The following FOXO3 variants were observed in gnomAD, a reference collection of about 807,000 sequenced individuals.
The protein encoded by FOXO3 is forkhead box protein O3.
In FOXO3, 4 loss-of-function variants were observed where a neutral mutation model predicts 41.9. That is an observed-to-expected ratio of 0.10 (90% CI 0.05 to 0.22). The LOEUF is 0.22. Among genes scored for constraint, FOXO3 ranks in the 10% least tolerant of loss-of-function variants. The pLI is 1.00. For synonymous variants in FOXO3, 318 were observed against 389.3 expected (o/e 0.82, Z 2.16); for missense variants, 534 against 906.8 (o/e 0.59, Z 5.28).
In FOXO3 at chr6:108,662,171, G is replaced by A. The variant is rs147170713; in HGVS notation, c.622-1284G>A. On this transcript the variant is annotated intron_variant, in intron 1 of 2. Coordinates refer to ENST00000406360, the MANE Select transcript of FOXO3 (RefSeq NM_001455.4). The stretch of plus-strand genomic sequence containing the variant: ...TTGAGAAGTACTGACTAGGCATTTT[G>A]TAAATGTCCCTTAATTGAAATGTGT... 5.4e-4 allele frequency among the ~76,000 whole-genome samples: 82 copies of A among 152,100 alleles called. 1 individual carries two copies. The East Asian group carries it at 8.5e-3, about 16-fold the overall frequency.
intron 2 of FOXO3, among the ~76,000 whole-genome samples, chr6:108,665,308 T>C (rs1319109980): frequency 6.6e-6 from 1 of 152,198 alleles, no homozygotes; most frequent in South Asian, 2.1e-4. Flanking sequence ...CTAGAAAGAC[T>C]CTCTGGTCCG....
At chr6:108,632,625 A>G (rs1005418848) in intron 1 of FOXO3, among the ~76,000 whole-genome samples, 1 of 152,144 alleles carries the variant, frequency 6.6e-6, no homozygotes, top group African/African-American at 2.4e-5. Flanking sequence ...GAGACATACC[A>G]AAGGCAAGTG....
intron 1 of FOXO3, among the ~76,000 whole-genome samples, chr6:108,578,922 A>G (rs1424236505): frequency 6.6e-6 from 1 of 152,222 alleles, no homozygotes; most frequent in Non-Finnish European, 1.5e-5. Flanking sequence ...GGAACCAGGT[A>G]CAGATCCAAA....
chr6:108,610,780 A>G (rs952261586), intron 1 of FOXO3, among the ~76,000 whole-genome samples: 7 of 152,196 alleles, frequency 4.6e-5, no homozygotes, highest in Non-Finnish European at 7.3e-5. Context: ...GCATTTGGAT[A>G]ATTTTACAGT....
intron 2 of FOXO3, among the ~76,000 whole-genome samples, chr6:108,676,124 C>G (rs1770579394): frequency 6.6e-6 from 1 of 152,184 alleles, no homozygotes; most frequent in Non-Finnish European, 1.5e-5. Context: ...TTTATTTGGT[C>G]TCCCCATTTC....
chr6:108,617,496 G>T (rs1777547356), intron 1 of FOXO3, among the ~76,000 whole-genome samples: 1 of 151,646 alleles, frequency 6.6e-6, no homozygotes, highest in Non-Finnish European at 1.5e-5. Context: ...TTTATCCCTA[G>T]ATAAAGACAG....
intron 1 of FOXO3, among the ~76,000 whole-genome samples, chr6:108,564,739 T>C (rs1383704543): frequency 1.3e-5 from 2 of 152,150 alleles, no homozygotes; most frequent in Non-Finnish European, 2.9e-5. Context: ...ACCCAGAGAA[T>C]TTGATATAAT....
At chr6:108,580,183 A>ATTTTTTTTTTTTTTTTTTTTTTTT (rs11395032) in intron 1 of FOXO3, among the ~76,000 whole-genome samples, 1 of 93,072 alleles carries the variant, frequency 1.1e-5, no homozygotes, top group African/African-American at 4.2e-5. Context: ...GCTCTTCTTC[A>ATTTTTTTTTTTTTTTTTTTTTTTT]TTTTTTTTTT....
chr6:108,601,823 G>C (rs1777064142), intron 1 of FOXO3, among the ~76,000 whole-genome samples: 1 of 152,188 alleles, frequency 6.6e-6, no homozygotes, highest in African/African-American at 2.4e-5. Context: ...TCAGTAGTGT[G>C]TTCCTGTTTG....
At chr6:108,589,655 G>A (rs1582752213) in intron 1 of FOXO3, among the ~76,000 whole-genome samples, 2 of 152,332 alleles carry the variant, frequency 1.3e-5, no homozygotes, top group East Asian at 3.9e-4. Flanking sequence ...TTAAGAGCAG[G>A]AGGAGGAGTT....
chr6:108,575,775 T>C (rs1295204909), intron 1 of FOXO3, among the ~76,000 whole-genome samples: 1 of 152,222 alleles, frequency 6.6e-6, no homozygotes. Flanking sequence ...ATTAACAGTA[T>C]TAATGTGCCA....
intron 2 of FOXO3, among the ~76,000 whole-genome samples, chr6:108,676,230 C>G (rs1433115205): frequency 2.0e-5 from 3 of 152,166 alleles, no homozygotes; most frequent in Non-Finnish European, 2.9e-5. Context: ...ACTGATGGGA[C>G]AGAACAGCAT....
chr6:108,652,923 C>A (rs537417036), intron 1 of FOXO3, among the ~76,000 whole-genome samples: 8 of 152,278 alleles, frequency 5.3e-5, no homozygotes, highest in Admixed American at 1.3e-4. Flanking sequence ...CGGCTCTTCA[C>A]CCTGGATGGA....
chr6:108,653,335 A>G (rs1218866035), intron 1 of FOXO3, among the ~76,000 whole-genome samples: 1 of 152,216 alleles, frequency 6.6e-6, no homozygotes, highest in Admixed American at 6.5e-5. Flanking sequence ...CTAAAGCTAT[A>G]GTAAAACATG....
Position 108,663,622 on chromosome 6 carries a change from C to T in FOXO3, c.789C>T (p.Ser263=). 1 of 1,613,512 alleles carries T rather than the reference C, an allele frequency of 6.2e-7. No individual in the cohort carries two copies. Among genetic ancestry groups the T allele is most frequent in the Non-Finnish European group, 8.5e-7 (1 of 1,179,630 alleles). Residue 263 remains serine (S), a synonymous_variant, in exon 2 of 3, where the codon AGC becomes AGT. Transcript: ENST00000406360. ...ACAATAGCAACAAGTATACCAAGAG[C>T]CGTGGCCGCGCAGCCAAGAAGAAGG... is the stretch of plus-strand genomic sequence containing the variant. ...SMDNSNKYTK[S]RGRAAKKKAA...
intron 1 of FOXO3, among the ~76,000 whole-genome samples, chr6:108,598,280 G>A (rs1776944491): frequency 6.6e-6 from 1 of 152,112 alleles, no homozygotes; most frequent in Non-Finnish European, 1.5e-5. Flanking sequence ...TTTGTTCCTT[G>A]GTAGTTTCTT....
intron 1 of FOXO3, among the ~76,000 whole-genome samples, chr6:108,586,936 ATATTAT>A (rs143546022): frequency 0.22 from 29,049 of 133,302 alleles, 3,366 homozygotes; most frequent in South Asian, 0.32. Flanking sequence ...CTGAACGTAA[ATATTAT>A]TATTATTATT....
intron 1 of FOXO3, among the ~76,000 whole-genome samples, chr6:108,592,515 C>T (rs1486584944): frequency 6.6e-6 from 1 of 152,182 alleles, no homozygotes; most frequent in Non-Finnish European, 1.5e-5. Flanking sequence ...AATAGAAGTT[C>T]TTGGCTTTCA....
chr6:108,606,750 A>C (rs1176377824), intron 1 of FOXO3, among the ~76,000 whole-genome samples: 2 of 152,214 alleles, frequency 1.3e-5, no homozygotes. Flanking sequence ...GTATATTTTG[A>C]TCACCTTTAG....
Sources: gnomAD v4.1 joint callset for allele counts (sites outside exome capture counted in the v4.1 genomes callset) on GRCh38, gnomAD v4.1.1 for gene constraint, MANE v1.5 for transcripts, NCBI Gene and HGNC (gene_info 2026-07-23, HGNC 2026-07-21) for gene names.